Variants in PEA15 observed in about 807,000 individuals in gnomAD.
PEA15 encodes astrocytic phosphoprotein PEA-15.
For synonymous variants in PEA15, 60 were observed against 61.8 expected, an observed-to-expected ratio of 0.97 and a Z score of 0.13; for missense variants, 77 against 161.3, an observed-to-expected ratio of 0.48 and a Z score of 2.83.
At chr1:160,209,293 A>G (rs74998005) in intron 1 of PEA15, among the ~76,000 whole-genome samples, 4,603 of 152,254 alleles carry the variant, frequency 0.03, 219 homozygotes, top group African/African-American at 0.1. Flanking sequence ...ATTAGCATCC[A>G]TAAGATCCGA....
At chr1:160,211,453 G>A (rs1654872937) in intron 1 of PEA15, 90 bp from the exon 2 acceptor site, 1 of 1,428,028 alleles carries the variant, frequency 7.0e-7, no homozygotes, top group South Asian at 1.5e-5. Flanking sequence ...TGGTAGGGCA[G>A]AGTGGGGAGT....
intron 1 of PEA15, among the ~76,000 whole-genome samples, chr1:160,210,538 C>T (rs892756860): frequency 6.6e-6 from 1 of 152,226 alleles, no homozygotes; most frequent in African/African-American, 2.4e-5. Flanking sequence ...TTCTCTACTT[C>T]TCACCTAAGG....
At position 160,213,477 on chromosome 1, in the gene PEA15, G is replaced by C; in HGVS notation, c.384G>C (p.Lys128Asn). 1 of 1,614,040 alleles carries C rather than the reference G, an allele frequency of 6.2e-7. No individual in the cohort carries two copies. The highest frequency in any genetic ancestry group is 8.5e-7 in the Non-Finnish European group (1 of 1,179,966). ...EEIIKLAPPPKKA is the reference protein window; with the variant it reads ...EEIIKLAPPPNKA Reference sequence around the variant, plus strand: ...TCATCAAATTGGCTCCCCCACCGAAGAAGGCCTGAGCAAGGGGGAGGAAGA... The same window carrying C: ...TCATCAAATTGGCTCCCCCACCGAACAAGGCCTGAGCAAGGGGGAGGAAGA... The change falls in exon 4 of 4, where the codon AAG (lysine) becomes AAC (asparagine). Residue 128 changes from lysine (K) to asparagine (N), a missense_variant. By Grantham distance (94) the Lys-to-Asn change is moderately conservative. Coordinates refer to ENST00000360472, the MANE Select transcript of PEA15 (RefSeq NM_003768.5). The surrounding 1 kb of genome is among the most constrained non-coding windows in gnomAD (Gnocchi z 5.3).
At chr1:160,207,509 C>G (rs1654650281) in intron 1 of PEA15, among the ~76,000 whole-genome samples, 1 of 152,160 alleles carries the variant, frequency 6.6e-6, no homozygotes, top group African/African-American at 2.4e-5. Flanking sequence ...GGGTCTGGCT[C>G]TTTCTAGACC....
chr1:160,213,310 G>C lies in PEA15; in HGVS notation c.328+45G>C, dbSNP rs8175359. The C allele has an allele frequency of 6.2e-7, 1 of 1,613,548 alleles. No homozygotes were observed. ...ACTAGCTGCACCTCTGCCTCGTCCC[G>C]TTGACTATCCTTGGAGTACTTGAGT... On this transcript the variant is annotated intron_variant, in intron 3 of 3. Coordinates refer to ENST00000360472, the MANE Select transcript of PEA15 (RefSeq NM_003768.5). This position sits in a 1 kb window ranked among gnomAD's most constrained non-coding sequence, Gnocchi z 5.3.
intron 1 of PEA15, chr1:160,211,226 A>G (rs1199971313): frequency 1.0e-6 from 1 of 978,772 alleles, no homozygotes; most frequent in East Asian, 8.4e-5. Flanking sequence ...GCAGGTTGCT[A>G]TGGTAACCGC....
intron 1 of PEA15, among the ~76,000 whole-genome samples, chr1:160,207,545 C>T (rs1654652278): frequency 1.3e-5 from 2 of 152,114 alleles, no homozygotes; most frequent in South Asian, 2.1e-4. Flanking sequence ...ATCCTTGTCC[C>T]CATGCCCAAA....
chr1:160,208,505 C>T lies in PEA15; in HGVS notation c.-3+2983C>T. 9 of 1,103,344 alleles carry T rather than the reference C, an allele frequency of 8.2e-6. No homozygotes were observed. The highest frequency in any genetic ancestry group is 1.2e-5 in the Non-Finnish European group (9 of 744,686). 68.3% of individuals were successfully genotyped at this position (1,103,344 alleles called of 1,614,324 possible). ...ACTGCCTGGTGATCCCTGAGCAGCT[C>T]TCTGCACTGCTCCAGAAATCAGGAG... On this transcript the variant is annotated intron_variant, in intron 1 of 3. Transcript: ENST00000360472. This position sits in a 1 kb window ranked among gnomAD's most constrained non-coding sequence, Gnocchi z 4.1.
rs1415914897 is a variant in PEA15, at chr1:160,213,624, G to GT, written c.*139dup. On this transcript the variant is annotated 3_prime_UTR_variant, in exon 4 of 4. Coordinates refer to ENST00000360472, the MANE Select transcript of PEA15 (RefSeq NM_003768.5). This position sits in a 1 kb window ranked among gnomAD's most constrained non-coding sequence, Gnocchi z 5.3. Reference sequence around the variant, plus strand: ...CCTAACCCCCTTACTGTGCGCGTGTGTGTGCGTGTGCGCACGCTCTGGCTG... The same window carrying GT: ...CCTAACCCCCTTACTGTGCGCGTGTGTTGTGCGTGTGCGCACGCTCTGGCTG... The GT allele has an allele frequency of 7.5e-5, 47 of 630,268 alleles. No homozygotes were observed. Among genetic ancestry groups the GT allele is most frequent in the Non-Finnish European group, 1.1e-4 (39 of 355,492 alleles). The allele number at this position is 630,268 out of a possible 1,614,324, so 39.0% of individuals were successfully genotyped here.
At position 160,205,664 on chromosome 1, in the gene PEA15, C is replaced by G. The variant is rs1011430755; in HGVS notation, c.-3+142C>G. ...CGAGTCCACTTTGTGTCAGGCCTCA[C>G]GGGGTCCGTCCCTCGGTCGGTGCGT... On this transcript the variant is annotated intron_variant, in intron 1 of 3. Coordinates refer to ENST00000360472, the MANE Select transcript of PEA15 (RefSeq NM_003768.5). The surrounding 1 kb of genome is among the most constrained non-coding windows in gnomAD (Gnocchi z 5.9). The G allele has an allele frequency of 6.6e-6, 1 of 152,374 alleles. No individual in the cohort carries two copies. The highest frequency in any genetic ancestry group is 2.4e-5 in the African/African-American group (1 of 41,464). The allele number at this position is 152,374 out of a possible 1,614,324, so 9.4% of individuals were successfully genotyped here.
chr1:160,207,401 CT>C (rs1381969655), intron 1 of PEA15, among the ~76,000 whole-genome samples: 1 of 152,168 alleles, frequency 6.6e-6, no homozygotes, highest in Non-Finnish European at 1.5e-5. Flanking sequence ...CAGAGATGGG[CT>C]GGGGAGAGTC....
chr1:160,206,048 AT>A (rs962816706), intron 1 of PEA15: 28 of 152,348 alleles, frequency 1.8e-4, no homozygotes, highest in African/African-American at 6.5e-4. Flanking sequence ...ACCCTTATTA[AT>A]TTCATATAAT....
In PEA15 at chr1:160,213,593, C is replaced by A; in HGVS notation, c.*107C>A. On this transcript the variant is annotated 3_prime_UTR_variant, in exon 4 of 4. Coordinates refer to ENST00000360472, the MANE Select transcript of PEA15 (RefSeq NM_003768.5). This position sits in a 1 kb window ranked among gnomAD's most constrained non-coding sequence, Gnocchi z 5.3. ...AACCCACCATCTACCCACTTACTAA[C>A]CTGGTCCTAACCCCCTTACTGTGCG... 1.1e-6 allele frequency: 1 copy of A among 935,370 alleles called. No homozygotes were observed. Among genetic ancestry groups the A allele is most frequent in the Non-Finnish European group, 1.7e-6 (1 of 582,270 alleles). The allele number at this position is 935,370 out of a possible 1,614,324, so 57.9% of individuals were successfully genotyped here. A position where few individuals can be genotyped will look rare whatever the true frequency, so the allele number is the denominator to read the frequency against.
chr1:160,211,539 C>G lies in PEA15; in HGVS notation c.-2-4C>G. The G allele has an allele frequency of 6.2e-7, 1 of 1,604,268 alleles. No homozygotes were observed. Among genetic ancestry groups the G allele is most frequent in the Non-Finnish European group, 8.5e-7 (1 of 1,172,936 alleles). ...CCTATCCCTTTGTCGCCTCCCAACC[C>G]CAGTCATGGCTGAGTACGGGACCCT... On this transcript the variant is annotated splice_region_variant and splice_polypyrimidine_tract_variant and intron_variant, in intron 1 of 3. Coordinates refer to ENST00000360472, the MANE Select transcript of PEA15 (RefSeq NM_003768.5).
chr1:160,206,974 TATC>T (rs1654624011), intron 1 of PEA15, among the ~76,000 whole-genome samples: 1 of 152,212 alleles, frequency 6.6e-6, no homozygotes, highest in African/African-American at 2.4e-5. Context: ...GTGGATGTAT[TATC>T]ATGCATGAAG....
chr1:160,211,734 A>C lies in PEA15; in HGVS notation c.172+18A>C. 6.2e-7 allele frequency: 1 copy of C among 1,609,042 alleles called. No homozygotes were observed. The highest frequency in any genetic ancestry group is 1.7e-5 in the Admixed American group (1 of 59,756). ...GGACAAAGGTGGGGGAGGGGAGCAC[A>C]GGGGTCCTGTCATCAGTCATTCAGG... On this transcript the variant is annotated intron_variant, in intron 2 of 3. Coordinates refer to ENST00000360472, the MANE Select transcript of PEA15 (RefSeq NM_003768.5).
At chr1:160,211,395 T>TCCCTCCAGCCCTAGCC in intron 1 of PEA15, 148 bp from the exon 2 acceptor site, 2 of 1,316,132 alleles carry the variant, frequency 1.5e-6, no homozygotes, top group Non-Finnish European at 2.0e-6. Flanking sequence ...CTTCCTTTTC[T>TCCCTCCAGCCCTAGCC]CCCTCCAGCC....
Position 160,213,367 on chromosome 1 carries a change from C to T in PEA15, c.329-55C>T, listed in dbSNP as rs897239864. 8 of 1,606,782 alleles carry T rather than the reference C, an allele frequency of 5.0e-6. No individual in the cohort carries two copies. In the African/African-American group the frequency reaches 9.4e-5, roughly 19 times the overall value. On this transcript the variant is annotated intron_variant, in intron 3 of 3. Coordinates refer to ENST00000360472, the MANE Select transcript of PEA15 (RefSeq NM_003768.5). The surrounding 1 kb of genome is among the most constrained non-coding windows in gnomAD (Gnocchi z 5.3). Reference sequence around the variant, plus strand: ...AGAGTGGAGGCAGATGCCCAATGGGCCTGCCTGGCATCTCCCACACTGCTG... The same window carrying T: ...AGAGTGGAGGCAGATGCCCAATGGGTCTGCCTGGCATCTCCCACACTGCTG...
In PEA15 at chr1:160,213,523, T is replaced by C. The variant is rs548605601; in HGVS notation, c.*37T>C. 6.3e-7 allele frequency: 1 copy of C among 1,577,528 alleles called. No individual in the cohort carries two copies. The highest frequency in any genetic ancestry group is 8.7e-7 in the Non-Finnish European group (1 of 1,147,242). On this transcript the variant is annotated 3_prime_UTR_variant, in exon 4 of 4. Coordinates refer to ENST00000360472, the MANE Select transcript of PEA15 (RefSeq NM_003768.5). This position sits in a 1 kb window ranked among gnomAD's most constrained non-coding sequence, Gnocchi z 5.3. Reference sequence around the variant, plus strand: ...GAAGAGGAGGAAGGTTGGACCTTCATCAGACCACTCCCTTCCCCCATCCTC... The same window carrying C: ...GAAGAGGAGGAAGGTTGGACCTTCACCAGACCACTCCCTTCCCCCATCCTC...
Sources: gnomAD v4.1 joint callset for allele counts (sites outside exome capture counted in the v4.1 genomes callset) on GRCh38, gnomAD v4.1.1 for gene constraint, Gnocchi (gnomAD v3.1) non-coding constraint, MANE v1.5 for transcripts, NCBI Gene and HGNC (gene_info 2026-07-23, HGNC 2026-07-21) for gene names.